The following RARB variants were observed in gnomAD, a reference collection of about 807,000 sequenced individuals.
The protein encoded by RARB is retinoic acid receptor beta.
In RARB, 17 loss-of-function variants were observed where a neutral mutation model predicts 51.9. That is an observed-to-expected ratio of 0.33 (90% confidence interval 0.22 to 0.49). The LOEUF (loss-of-function observed/expected upper bound fraction) is 0.49. Among genes scored for constraint, RARB ranks in the 20% least tolerant of loss-of-function variants. RARB has a pLI of 0.99. For missense variants in RARB, 369 were observed against 550.8 expected, an observed-to-expected ratio of 0.67 and a Z score of 3.30; for synonymous variants, 215 against 195.4, an observed-to-expected ratio of 1.10 and a Z score of -0.84.
chr3:25,516,383 T>C lies in RARB; in HGVS notation c.448+15060T>C, dbSNP rs145576854. 6.8e-3 allele frequency among the ~76,000 whole-genome samples: 1,031 copies of C among 152,318 alleles called. 5 individuals are homozygous for C. The highest frequency in any genetic ancestry group is 0.014 in the Middle Eastern group (4 of 294). ...GTTCAAGATGTGATTTATGAACTTA[T>C]GTGGATTCCAGTTTAATAATTAGCT... On this transcript the variant is annotated intron_variant, in intron 3 of 7. Transcript: ENST00000330688.
At chr3:24,921,481 T>C (rs1695215301) in intron 2 of RARB, among the ~76,000 whole-genome samples, 1 of 152,160 alleles carries the variant, frequency 6.6e-6, no homozygotes, top group Non-Finnish European at 1.5e-5. Context: ...CTGTGATAAG[T>C]GTTTAGGTGA....
In RARB at chr3:24,952,065, ACTTTT is replaced by A. The variant is rs540817094; in HGVS notation, c.-380+93319_-380+93323del. 2.4e-3 allele frequency among the ~76,000 whole-genome samples: 359 copies of A among 152,282 alleles called. 1 individual carries two copies. Among genetic ancestry groups the A allele is most frequent in the African/African-American group, 8.2e-3 (339 of 41,560 alleles). On this transcript the variant is annotated intron_variant, in intron 2 of 11. Transcript: ENST00000383772. ...AACAATTAAAATAGCTTTCTCCATAACTTTTCTTTTTTTGAAAGTAACATTTGCAG... is the reference window on the plus strand; with the variant it reads ...AACAATTAAAATAGCTTTCTCCATAACTTTTTTTGAAAGTAACATTTGCAG...
intron 3 of RARB, among the ~76,000 whole-genome samples, chr3:25,091,930 T>C (rs1699206524): frequency 6.6e-6 from 1 of 152,166 alleles, no homozygotes; most frequent in South Asian, 2.1e-4. Context: ...TGTGTGGAGA[T>C]ATATTTTCAG....
chr3:25,207,223 A>T (rs763695005), intron 5 of RARB, among the ~76,000 whole-genome samples: 7 of 152,132 alleles, frequency 4.6e-5, no homozygotes, highest in Non-Finnish European at 8.8e-5. Flanking sequence ...TCCAACTCAG[A>T]TCTACTAAGC....
At chr3:24,931,843 G>A (rs1231858767) in intron 2 of RARB, among the ~76,000 whole-genome samples, 1 of 152,078 alleles carries the variant, frequency 6.6e-6, no homozygotes, top group Non-Finnish European at 1.5e-5. Flanking sequence ...TAGAATGAGA[G>A]TTAGGTAGTT....
chr3:25,344,403 A>T (rs1373412181), intron 5 of RARB, among the ~76,000 whole-genome samples: 6 of 152,152 alleles, frequency 3.9e-5, no homozygotes, highest in African/African-American at 1.4e-4. Flanking sequence ...GAGATTGGTA[A>T]GTGGTTGAGC....
chr3:25,457,784 T>A (rs1396093007), intron 1 of RARB, among the ~76,000 whole-genome samples: 1 of 152,236 alleles, frequency 6.6e-6, no homozygotes, highest in Non-Finnish European at 1.5e-5. Context: ...CTCTGACAGC[T>A]GATTCCAGCC....
chr3:25,197,369 T>C (rs1701271065), intron 5 of RARB, among the ~76,000 whole-genome samples: 1 of 152,150 alleles, frequency 6.6e-6, no homozygotes, highest in Non-Finnish European at 1.5e-5. Context: ...AAAGATCAGA[T>C]GGTTGTAGAT....
chr3:25,431,130 C>A (rs1194165055), intron 1 of RARB, among the ~76,000 whole-genome samples: 1 of 151,860 alleles, frequency 6.6e-6, no homozygotes. Context: ...ATAACCACAA[C>A]CTTTTCCATT....
intron 3 of RARB, among the ~76,000 whole-genome samples, chr3:25,128,985 T>A (rs1481688116): frequency 1.3e-5 from 2 of 152,040 alleles, no homozygotes; most frequent in African/African-American, 4.8e-5. Context: ...AAAACTGAAA[T>A]TAAAAAACAT....
chr3:25,533,345 G>A (rs1575494218), intron 3 of RARB, among the ~76,000 whole-genome samples: 1 of 152,152 alleles, frequency 6.6e-6, no homozygotes, highest in East Asian at 1.9e-4. Flanking sequence ...AGGAAATACT[G>A]GAATGTGAGA....
chr3:25,283,474 C>T (rs1052617888), intron 5 of RARB, among the ~76,000 whole-genome samples: 9 of 152,214 alleles, frequency 5.9e-5, no homozygotes, highest in African/African-American at 2.2e-4. Flanking sequence ...TGTATCTCAA[C>T]ACCAGTGCCA....
chr3:24,951,933 T>G (rs944400918), intron 2 of RARB, among the ~76,000 whole-genome samples: 2 of 152,208 alleles, frequency 1.3e-5, no homozygotes, highest in East Asian at 3.8e-4. Context: ...ACACCCTTGC[T>G]CTAATTATAG....
chr3:24,893,061 C>G (rs1465643866), intron 2 of RARB, among the ~76,000 whole-genome samples: 1 of 152,204 alleles, frequency 6.6e-6, no homozygotes, highest in Non-Finnish European at 1.5e-5. Flanking sequence ...GTTTAGTTAT[C>G]AGGGGCTAAA....
intron 5 of RARB, among the ~76,000 whole-genome samples, chr3:25,589,108 G>C (rs914754250): frequency 1.3e-5 from 2 of 152,156 alleles, no homozygotes; most frequent in African/African-American, 2.4e-5. Flanking sequence ...AAACCAAAAG[G>C]GTGGTGGGAT....
intron 5 of RARB, among the ~76,000 whole-genome samples, chr3:25,224,277 T>C (rs1210324499): frequency 6.6e-6 from 1 of 152,200 alleles, no homozygotes; most frequent in Non-Finnish European, 1.5e-5. Context: ...TGTTCATATC[T>C]AAACCTAAGA....
intron 5 of RARB, among the ~76,000 whole-genome samples, chr3:25,205,592 A>G (rs1309285960): frequency 6.6e-6 from 1 of 152,050 alleles, no homozygotes; most frequent in Non-Finnish European, 1.5e-5. Context: ...TTTTAACCCA[A>G]AAAAAATAAA....
chr3:25,076,866 A>G (rs952030637), intron 3 of RARB, among the ~76,000 whole-genome samples: 1 of 152,222 alleles, frequency 6.6e-6, no homozygotes, highest in African/African-American at 2.4e-5. Context: ...TTTATGAACC[A>G]CAATGCTTCC....
rs1415688986 is a variant in RARB at position 25,444,269 on chromosome 3, T to G, written c.157+15381T>G. ...TGAGTCCAAAGTTCCCAACTCAGCT[T>G]TGTATAATGTAGGGTTCCTTTTCTT... is the stretch of plus-strand genomic sequence containing the variant. On this transcript the variant is annotated intron_variant, in intron 1 of 7. Transcript: ENST00000330688. Among the ~76,000 whole-genome samples the G allele has an allele frequency of 2.6e-5, 4 of 152,312 alleles. No individual in the cohort carries two copies. In the East Asian group the frequency reaches 7.7e-4, roughly 29 times the overall value.
Sources: allele counts gnomAD v4.1 joint callset (sites outside exome capture counted in the v4.1 genomes callset), GRCh38; gene constraint gnomAD v4.1.1; transcripts MANE v1.5; gene names NCBI Gene and HGNC (gene_info 2026-07-23, HGNC 2026-07-21).